The following PRPF18 variants were observed in gnomAD, a reference collection of about 807,000 sequenced individuals.
The protein encoded by PRPF18 is pre-mRNA processing factor 18, also known as pre-mRNA-splicing factor 18.
PRPF18 carries 38 observed loss-of-function variants against 46.5 expected under a neutral mutation model. That is an observed-to-expected ratio of 0.82 (90% CI 0.63 to 1.07). The LOEUF is 1.07. PRPF18 is among the 50% of genes least tolerant of loss of function. PRPF18 has a pLI of 0.00. For missense variants in PRPF18, 263 were observed against 410.0 expected (o/e 0.64, Z 3.10); for synonymous variants, 152 against 146.7 (o/e 1.04, Z -0.26).
chr10:13,627,192 C>T (rs1425827904), intron 9 of PRPF18, among the ~76,000 whole-genome samples: 1 of 152,158 alleles, frequency 6.6e-6, no homozygotes, highest in Non-Finnish European at 1.5e-5. Flanking sequence ...CCACTTACCC[C>T]ACTTGCCTGC....
At chr10:13,610,578 GA>G (rs1244349788) in intron 5 of PRPF18, among the ~76,000 whole-genome samples, 1 of 152,086 alleles carries the variant, frequency 6.6e-6, no homozygotes, top group East Asian at 1.9e-4. Context: ...TGTGTACACT[GA>G]ATCCTTTGCT....
chr10:13,605,703 C>T lies in PRPF18; in HGVS notation c.322C>T (p.Arg108Cys). The T allele has an allele frequency of 1.9e-6, 3 of 1,612,410 alleles. No individual in the cohort carries two copies. Among genetic ancestry groups the T allele is most frequent in the Non-Finnish European group, 2.5e-6 (3 of 1,179,314 alleles). Residue 108 changes from arginine (R) to cysteine (C), a missense_variant, in exon 4 of 10, where the codon CGT becomes TGT. By Grantham distance (180) the Arg-to-Cys change is radical. Transcript: ENST00000378572. ...FGETDYDAFQRLRKIEILTPE... is the reference protein window; with the variant it reads ...FGETDYDAFQCLRKIEILTPE... Reference sequence around the variant, plus strand: ...AGAGACTGATTATGATGCTTTTCAACGTTTAAGGAAAATAGAGATCCTCAC... The same window carrying T: ...AGAGACTGATTATGATGCTTTTCAATGTTTAAGGAAAATAGAGATCCTCAC...
intron 1 of PRPF18, among the ~76,000 whole-genome samples, chr10:13,589,027 A>G (rs1465238620): frequency 6.6e-6 from 1 of 152,252 alleles, no homozygotes; most frequent in Non-Finnish European, 1.5e-5. Context: ...GACACATTTC[A>G]TTACAAAATA....
At position 13,610,257 on chromosome 10, in the gene PRPF18, G is replaced by A. The variant is rs1564456791; in HGVS notation, c.510+72G>A. 3.3e-6 allele frequency: 5 copies of A among 1,511,938 alleles called. No individual in the cohort carries two copies. The African/African-American group carries it at 6.9e-5, about 21-fold the overall frequency. 93.7% of individuals were successfully genotyped at this position (1,511,938 alleles called of 1,614,324 possible). On this transcript the variant is annotated intron_variant, in intron 5 of 9. Coordinates refer to ENST00000378572, the MANE Select transcript of PRPF18 (RefSeq NM_003675.4). Reference sequence around the variant, plus strand: ...CCTCTGGAGCAGATGACTGAGTCGGGCAGATTGTTGAGGGCAGAGCACACT... The same window carrying A: ...CCTCTGGAGCAGATGACTGAGTCGGACAGATTGTTGAGGGCAGAGCACACT...
the PRPF18 span, among the ~76,000 whole-genome samples, chr10:13,650,833 G>T: frequency 6.6e-6 from 1 of 152,176 alleles, no homozygotes; most frequent in East Asian, 1.9e-4. Flanking sequence ...GTCTCCACCT[G>T]TCTAAGCCCC....
intron 1 of PRPF18, chr10:13,591,859 C>A (rs1303176971): frequency 1.4e-6 from 2 of 1,429,516 alleles, no homozygotes; most frequent in Non-Finnish European, 1.9e-6. Context: ...TCTGTGGAAT[C>A]CAGTGAGGAT....
At position 13,611,699 on chromosome 10, in the gene PRPF18, G is replaced by A. The variant is rs753477590; in HGVS notation, c.579+16G>A. 10 of 1,606,884 alleles carry A rather than the reference G, an allele frequency of 6.2e-6. No individual in the cohort carries two copies. Among genetic ancestry groups the A allele is most frequent in the East Asian group, 2.2e-5 (1 of 44,852 alleles). On this transcript the variant is annotated intron_variant, in intron 6 of 9. Coordinates refer to ENST00000378572, the MANE Select transcript of PRPF18 (RefSeq NM_003675.4). ...ATTCCTGAAGGTGCGTGTCTTAGGC[G>A]AGGGGATGAGGATGCCTTGGATCCT...
At chr10:13,632,158 T>A (rs959966159), downstream of PRPF18, among the ~76,000 whole-genome samples, 2 of 152,260 alleles carry the variant, frequency 1.3e-5, no homozygotes, top group African/African-American at 4.8e-5. Flanking sequence ...TGGCTAACAC[T>A]GTGAAACCCT....
At chr10:13,647,021 C>G in the PRPF18 span, 1,005 of 967,722 alleles carry the variant, frequency 1.0e-3, 12 homozygotes, top group South Asian at 0.024. Flanking sequence ...CAGGAAACAG[C>G]TATCATTGTA....
the PRPF18 span, chr10:13,654,232 C>T: frequency 3.2e-6 from 2 of 620,306 alleles, no homozygotes; most frequent in Admixed American, 2.7e-5. Flanking sequence ...TCTATAAAGG[C>T]ACAGCCAGGA....
intron 9 of PRPF18, among the ~76,000 whole-genome samples, chr10:13,622,555 G>T (rs1435771846): frequency 1.3e-5 from 2 of 152,178 alleles, no homozygotes; most frequent in African/African-American, 4.8e-5. Flanking sequence ...GTTGTTGTTT[G>T]TAATTTGGTG....
intron 2 of PRPF18, among the ~76,000 whole-genome samples, chr10:13,598,269 T>G (rs1488302038): frequency 3.3e-5 from 5 of 152,196 alleles, no homozygotes; most frequent in Non-Finnish European, 7.4e-5. Flanking sequence ...GTTTAAATTA[T>G]TTTAAAAGAA....
At position 13,586,974 on chromosome 10, in the gene PRPF18, C is replaced by A; in HGVS notation, c.-113C>A. 3 of 1,097,214 alleles carry A rather than the reference C, an allele frequency of 2.7e-6. No homozygotes were observed. The highest frequency in any genetic ancestry group is 2.5e-5 in the South Asian group (2 of 78,924). The allele number at this position is 1,097,214 out of a possible 1,614,324, so 68.0% of individuals were successfully genotyped here. A position where few individuals can be genotyped will look rare whatever the true frequency, so the allele number is the denominator to read the frequency against. Reference sequence around the variant, plus strand: ...GGAAGCGGCTCCTGTCAGTTGTTCTCAGGTGTTTGGGCTTGTTGTTCCGTA... The same window carrying A: ...GGAAGCGGCTCCTGTCAGTTGTTCTAAGGTGTTTGGGCTTGTTGTTCCGTA... On this transcript the variant is annotated 5_prime_UTR_variant, in exon 1 of 10. Transcript: ENST00000378572.
At chr10:13,624,685 C>T (rs971496272) in intron 9 of PRPF18, among the ~76,000 whole-genome samples, 1 of 152,218 alleles carries the variant, frequency 6.6e-6, no homozygotes, top group African/African-American at 2.4e-5. Context: ...TCCACTGATG[C>T]TGGCAGCCAG....
intron 1 of PRPF18, among the ~76,000 whole-genome samples, chr10:13,596,469 A>T (rs1403526606): frequency 1.3e-5 from 2 of 152,190 alleles, no homozygotes; most frequent in East Asian, 3.8e-4. Context: ...TGAGTGAATG[A>T]GCTTTGGAAC....
chr10:13,634,441 G>T (rs1332109766), downstream of PRPF18, among the ~76,000 whole-genome samples: 4 of 152,234 alleles, frequency 2.6e-5, no homozygotes, highest in African/African-American at 9.6e-5. Flanking sequence ...GGCCGGGACA[G>T]TCAAGAGTCA....
Position 13,613,779 on chromosome 10 carries a change from A to G in PRPF18, c.618A>G (p.Arg206=). The change falls in exon 7 of 10, where the codon AGA becomes AGG. Residue 206 remains arginine, a synonymous_variant. Transcript: ENST00000378572. ...LGVWAKELNA[R]EDYVKRSVQG... ...TTTGGGCTAAAGAATTGAATGCCAG[A>G]GAAGATTATGTGAAACGCAGTGTGC... 6.2e-7 allele frequency: 1 copy of G among 1,614,010 alleles called. No homozygotes were observed. Among genetic ancestry groups the G allele is most frequent in the Non-Finnish European group, 8.5e-7 (1 of 1,179,982 alleles).
intron 8 of PRPF18, among the ~76,000 whole-genome samples, chr10:13,614,309 C>T (rs891586807): frequency 1.7e-4 from 26 of 152,270 alleles, no homozygotes; most frequent in African/African-American, 5.3e-4. Flanking sequence ...CATCTGTATG[C>T]TCTTGGTCAT....
chr10:13,591,897 G>T (rs1233535456), intron 1 of PRPF18: 3 of 1,420,852 alleles, frequency 2.1e-6, no homozygotes, highest in Non-Finnish European at 2.8e-6. Flanking sequence ...GGGTAATGCT[G>T]GTTCGCAGTT....
Sources: allele counts gnomAD v4.1 joint callset (sites outside exome capture counted in the v4.1 genomes callset), GRCh38; gene constraint gnomAD v4.1.1; transcripts MANE v1.5; gene names NCBI Gene and HGNC (gene_info 2026-07-23, HGNC 2026-07-21).